The following SGCD variants were observed in gnomAD, a reference collection of about 807,000 sequenced individuals.
SGCD encodes the protein delta-sarcoglycan.
In SGCD, 18 loss-of-function variants were observed where a neutral mutation model predicts 36.6. The ratio of observed to expected loss-of-function variants is 0.49; its 90% CI spans 0.34 to 0.73. The LOEUF is 0.73. Among genes scored for constraint, SGCD ranks in the 30% least tolerant of loss-of-function variants. The pLI is 0.01. For missense variants in SGCD, 387 were observed against 346.7 expected (o/e 1.12, Z -0.92); for synonymous variants, 133 against 130.6 (o/e 1.02, Z -0.12).
chr5:156,475,335 C>G (rs4704803), intron 3 of SGCD, among the ~76,000 whole-genome samples: 65,988 of 151,986 alleles, frequency 0.43, 14,403 homozygotes, highest in Middle Eastern at 0.65. Flanking sequence ...AACCCATTTG[C>G]AACTGTCCCT....
intron 3 of SGCD, among the ~76,000 whole-genome samples, chr5:156,360,905 A>G (rs1307053486): frequency 6.6e-6 from 1 of 152,074 alleles, no homozygotes; most frequent in Non-Finnish European, 1.5e-5. Context: ...CACCAAGAGT[A>G]GGTACCCAGA....
rs75762493 is a variant in SGCD, at chr5:156,420,440, C to T, written c.192+75763C>T. ...ACTAAGCCCATGCCATTAGGAGCTT[C>T]GGGAATATTGGAAGAATTCTGTAGA... On this transcript the variant is annotated intron_variant, in intron 3 of 8. Coordinates refer to ENST00000337851, the MANE Select transcript of SGCD (RefSeq NM_000337.6). Among the ~76,000 whole-genome samples the T allele has an allele frequency of 3.2e-4, 48 of 152,168 alleles. No homozygotes were observed. In the South Asian group the frequency reaches 7.1e-3, roughly 22 times the overall value.
chr5:156,282,219 C>A (rs1019528644), intron 3 of SGCD, among the ~76,000 whole-genome samples: 1 of 152,162 alleles, frequency 6.6e-6, no homozygotes, highest in Non-Finnish European at 1.5e-5. Flanking sequence ...AATGCGAATT[C>A]TCCTACTATA....
At chr5:156,623,971 C>G (rs1383583170) in intron 6 of SGCD, among the ~76,000 whole-genome samples, 3 of 152,158 alleles carry the variant, frequency 2.0e-5, no homozygotes, top group Admixed American at 6.5e-5. Context: ...ATACATCTCT[C>G]TTTAGCAAAT....
intron 1 of SGCD, among the ~76,000 whole-genome samples, chr5:155,894,124 A>G (rs1353353962): frequency 2.0e-5 from 3 of 152,198 alleles, no homozygotes; most frequent in Non-Finnish European, 4.4e-5. Flanking sequence ...ACTGTACACT[A>G]CTGTAGACTT....
intron 3 of SGCD, among the ~76,000 whole-genome samples, chr5:156,406,969 A>G (rs1377836535): frequency 2.0e-5 from 3 of 151,776 alleles, no homozygotes; most frequent in Non-Finnish European, 2.9e-5. Flanking sequence ...AAGAACTTAG[A>G]GTCCGATGTT....
chr5:156,136,147 C>G (rs1000486228), intron 3 of SGCD, among the ~76,000 whole-genome samples: 3 of 152,126 alleles, frequency 2.0e-5, no homozygotes, highest in African/African-American at 7.2e-5. Context: ...GGATTTTGCT[C>G]TGTTGCCCAG....
At chr5:156,539,409 C>A (rs1018183688) in intron 4 of SGCD, among the ~76,000 whole-genome samples, 1 of 151,448 alleles carries the variant, frequency 6.6e-6, no homozygotes, top group African/African-American at 2.4e-5. Flanking sequence ...TCCCTCACCC[C>A]CTTCCATCCT....
chr5:155,793,322 T>C, the SGCD span, among the ~76,000 whole-genome samples: 8 of 152,082 alleles, frequency 5.3e-5, no homozygotes, highest in African/African-American at 1.7e-4. Context: ...GACAAGACCA[T>C]TCATACTCCA....
chr5:156,695,533 ATAGATAGATAG>A (rs1311199719), intron 7 of SGCD, among the ~76,000 whole-genome samples: 3,871 of 141,752 alleles, frequency 0.027, 179 homozygotes, highest in African/African-American at 0.095. Context: ...AGATAGATAG[ATAGATAGATAG>A]ATAGATAGAT....
intron 1 of SGCD, among the ~76,000 whole-genome samples, chr5:156,009,299 C>G (rs938037530): frequency 1.3e-5 from 2 of 152,142 alleles, no homozygotes; most frequent in African/African-American, 4.8e-5. Flanking sequence ...ACAAATTGTA[C>G]TTACTTGCCC....
At chr5:156,139,479 A>G (rs1762526539) in intron 3 of SGCD, among the ~76,000 whole-genome samples, 2 of 152,078 alleles carry the variant, frequency 1.3e-5, no homozygotes, top group Admixed American at 1.3e-4. Flanking sequence ...TACCTCCAAT[A>G]TTAGCACCTG....
intron 3 of SGCD, among the ~76,000 whole-genome samples, chr5:156,243,241 C>T (rs1765349717): frequency 6.6e-6 from 1 of 152,208 alleles, no homozygotes; most frequent in South Asian, 2.1e-4. Context: ...AGGAGGGCTT[C>T]CACATGGAAC....
intron 1 of SGCD, among the ~76,000 whole-genome samples, chr5:155,978,051 GC>G (rs1414008259): frequency 2.0e-5 from 3 of 151,952 alleles, no homozygotes; most frequent in Admixed American, 6.6e-5. Flanking sequence ...CTGAGATCAT[GC>G]CACTGCACTC....
intron 1 of SGCD, among the ~76,000 whole-genome samples, chr5:155,978,889 T>C (rs1487221989): frequency 1.3e-5 from 2 of 151,670 alleles, no homozygotes; most frequent in East Asian, 1.9e-4. Context: ...ACAAATACAG[T>C]GTATTTATAG....
chr5:156,292,969 AGTTTTAGGAGTTCTCTCT>A (rs1267994991), intron 3 of SGCD, among the ~76,000 whole-genome samples: 96 of 152,138 alleles, frequency 6.3e-4, no homozygotes, highest in African/African-American at 2.1e-3. Context: ...TAAGTTACTG[AGTTTTAGGAGTTCTCTCT>A]ATATTCTGAA....
the SGCD span, among the ~76,000 whole-genome samples, chr5:155,732,528 C>A: frequency 6.6e-6 from 1 of 152,184 alleles, no homozygotes; most frequent in Non-Finnish European, 1.5e-5. Context: ...TGGGAAGTGT[C>A]TTGCCAGAGA....
At chr5:156,151,021 C>T (rs1037111342) in intron 3 of SGCD, among the ~76,000 whole-genome samples, 5 of 151,642 alleles carry the variant, frequency 3.3e-5, no homozygotes, top group South Asian at 4.1e-4. Context: ...TAAAACATTT[C>T]ATTACTCTGA....
At chr5:156,161,581 G>A (rs1250810431) in intron 3 of SGCD, among the ~76,000 whole-genome samples, 1 of 151,860 alleles carries the variant, frequency 6.6e-6, no homozygotes, top group Non-Finnish European at 1.5e-5. Context: ...ATAAAACCAA[G>A]GCTATATATG....
Sources: gnomAD v4.1 joint callset for allele counts (sites outside exome capture counted in the v4.1 genomes callset) on GRCh38, gnomAD v4.1.1 for gene constraint, MANE v1.5 for transcripts, NCBI Gene and HGNC (gene_info 2026-07-23, HGNC 2026-07-21) for gene names.